The following NTM variants were observed in gnomAD, a reference collection of about 807,000 sequenced individuals.
The protein encoded by NTM is IgLON family member 2.
Under a neutral mutation model 42.1 loss-of-function variants are expected in NTM, and 13 were observed. The ratio of observed to expected loss-of-function variants is 0.31; its 90% CI spans 0.20 to 0.49. The LOEUF is 0.49. Among genes scored for constraint, NTM ranks in the 20% least tolerant of loss-of-function variants. The probability of loss-of-function intolerance (pLI) is 0.99; values close to 1 mark genes in which losing one functional copy is unlikely to be tolerated. For missense variants in NTM, 373 were observed against 452.8 expected (o/e 0.82, Z 1.60); for synonymous variants, 187 against 179.2 (o/e 1.04, Z -0.35).
chr11:132,120,458 CT>C, intron 2 of NTM, among the ~76,000 whole-genome samples: 1 of 152,284 alleles, frequency 6.6e-6, no homozygotes, highest in East Asian at 1.9e-4. Flanking sequence ...CAGCTAATGG[CT>C]TTTATTTCCT....
chr11:131,812,889 G>A (rs2092796787), intron 1 of NTM, among the ~76,000 whole-genome samples: 1 of 152,326 alleles, frequency 6.6e-6, no homozygotes, highest in African/African-American at 2.4e-5. Context: ...GAGCATGTGA[G>A]GAGGGACAGC....
intron 1 of NTM, among the ~76,000 whole-genome samples, chr11:131,598,732 T>TTTCTTTCTTTC (rs2060077821): frequency 1.1e-5 from 1 of 92,960 alleles, no homozygotes; most frequent in Non-Finnish European, 2.3e-5. Flanking sequence ...TCTTTCTTTC[T>TTTCTTTCTTTC]TTCTTTCTTT....
chr11:131,398,157 G>A (rs1017858553), intron 1 of NTM, among the ~76,000 whole-genome samples: 2 of 152,126 alleles, frequency 1.3e-5, no homozygotes, highest in East Asian at 1.9e-4. Context: ...TTATCATAAT[G>A]TAGCACTGCA....
intron 1 of NTM, among the ~76,000 whole-genome samples, chr11:131,570,621 G>A (rs1365473528): frequency 2.6e-5 from 4 of 152,116 alleles, no homozygotes; most frequent in African/African-American, 4.8e-5. Context: ...TCAAGAGATC[G>A]AGAGTATCCT....
chr11:131,399,351 T>G (rs1591559229), intron 1 of NTM, among the ~76,000 whole-genome samples: 1 of 152,272 alleles, frequency 6.6e-6, no homozygotes, highest in South Asian at 2.1e-4. Context: ...TGCAGTGAGA[T>G]TAATGTACAG....
chr11:131,806,593 T>C (rs2092495981), intron 1 of NTM, among the ~76,000 whole-genome samples: 1 of 152,178 alleles, frequency 6.6e-6, no homozygotes. Flanking sequence ...TCATTTTAGA[T>C]GGGGTAATGA....
At chr11:131,416,293 G>A (rs1195406095) in intron 1 of NTM, among the ~76,000 whole-genome samples, 2 of 151,992 alleles carry the variant, frequency 1.3e-5, no homozygotes, top group African/African-American at 4.8e-5. Context: ...AGAAAACCAG[G>A]GGGAGAGAGG....
At chr11:131,457,095 A>G (rs1388996560) in intron 1 of NTM, among the ~76,000 whole-genome samples, 3 of 152,224 alleles carry the variant, frequency 2.0e-5, no homozygotes, top group Non-Finnish European at 4.4e-5. Context: ...CTGTGCCAGG[A>G]GCTGTACTTG....
rs1377830120 is a variant in NTM at position 132,330,199 on chromosome 11, T to TCAGA, written c.967+18_967+21dup. The stretch of plus-strand genomic sequence containing the variant: ...CCCCTTGGAAAGGTTTGTATATTTT[T>TCAGA]CAGACAGCTGCTGCCTTGGTGGGTG... On this transcript the variant is annotated intron_variant, in intron 8 of 8. Transcript: ENST00000683400. The TCAGA allele has an allele frequency of 1.9e-6, 3 of 1,551,576 alleles. No individual in the cohort carries two copies. The highest frequency in any genetic ancestry group is 2.6e-6 in the Non-Finnish European group (3 of 1,146,842).
chr11:132,036,220 C>T (rs1265181746), intron 2 of NTM, among the ~76,000 whole-genome samples: 3 of 152,082 alleles, frequency 2.0e-5, no homozygotes, highest in Non-Finnish European at 4.4e-5. Context: ...GTTGATTATG[C>T]TGTGATGCTA....
chr11:132,040,763 T>A (rs2077074163), intron 2 of NTM, among the ~76,000 whole-genome samples: 1 of 152,208 alleles, frequency 6.6e-6, no homozygotes, highest in Non-Finnish European at 1.5e-5. Context: ...AAGCATAACT[T>A]CTGTCAATAG....
At chr11:131,425,320 C>G (rs924822588) in intron 1 of NTM, among the ~76,000 whole-genome samples, 1 of 152,106 alleles carries the variant, frequency 6.6e-6, no homozygotes, top group Admixed American at 6.5e-5. Context: ...CCAAAAACGC[C>G]CTATAGTTCC....
At chr11:131,468,190 C>A (rs1455034658) in intron 1 of NTM, among the ~76,000 whole-genome samples, 2 of 152,210 alleles carry the variant, frequency 1.3e-5, no homozygotes, top group African/African-American at 2.4e-5. Context: ...TGTCTGTCTG[C>A]TCCAGCCCAT....
intron 1 of NTM, among the ~76,000 whole-genome samples, chr11:131,684,069 A>G (rs2658844): frequency 0.93 from 141,436 of 152,244 alleles, 65,784 homozygotes; most frequent in East Asian, 1. Flanking sequence ...AGGAGAATTC[A>G]AGATCACTTA....
chr11:131,680,434 T>C (rs2072295055), intron 1 of NTM, among the ~76,000 whole-genome samples: 1 of 147,694 alleles, frequency 6.8e-6, no homozygotes, highest in Admixed American at 6.7e-5. Context: ...TGTGTCTGTG[T>C]GTGAGATCAT....
At chr11:132,113,008 G>A (rs2063425255) in intron 2 of NTM, among the ~76,000 whole-genome samples, 1 of 152,176 alleles carries the variant, frequency 6.6e-6, no homozygotes. Flanking sequence ...TTTTTAGACA[G>A]AAAGAATCTA....
intron 2 of NTM, among the ~76,000 whole-genome samples, chr11:131,920,686 G>T (rs2138213603): frequency 6.6e-6 from 1 of 152,216 alleles, no homozygotes; most frequent in South Asian, 2.1e-4. Flanking sequence ...GAAAGCTTTT[G>T]GGGGGTTAGA....
At chr11:132,040,527 C>CA (rs72126094) in intron 2 of NTM, among the ~76,000 whole-genome samples, 2,517 of 152,216 alleles carry the variant, frequency 0.017, 50 homozygotes, top group African/African-American at 0.047. Context: ...AGCCCCATGA[C>CA]AAAAAATGTT....
At chr11:132,016,121 G>A (rs1253342137) in intron 2 of NTM, among the ~76,000 whole-genome samples, 1 of 151,426 alleles carries the variant, frequency 6.6e-6, no homozygotes, top group Non-Finnish European at 1.5e-5. Flanking sequence ...TTCACGCAAG[G>A]GTGTTGAATT....
Sources: gnomAD v4.1 joint callset for allele counts (sites outside exome capture counted in the v4.1 genomes callset) on GRCh38, gnomAD v4.1.1 for gene constraint, MANE v1.5 for transcripts, NCBI Gene and HGNC (gene_info 2026-07-23, HGNC 2026-07-21) for gene names.